CACNA2D1: variants seen among roughly 807,000 people sequenced by gnomAD.
CACNA2D1 encodes the protein calcium voltage-gated channel auxiliary subunit alpha2delta 1.
CACNA2D1 carries 53 observed loss-of-function variants against 171.5 expected under a neutral mutation model. The observed-to-expected ratio is 0.31, with a 90% CI of 0.25 to 0.39. CACNA2D1 has a LOEUF of 0.39. Among genes scored for constraint, CACNA2D1 ranks in the 10% least tolerant of loss-of-function variants. The pLI is 1.00. For synonymous variants in CACNA2D1, 442 were observed against 443.1 expected (o/e 1.00, Z 0.03); for missense variants, 903 against 1,299.8 (o/e 0.69, Z 4.69).
At chr7:82,357,446 T>C (rs1055470163) in intron 1 of CACNA2D1, among the ~76,000 whole-genome samples, 4 of 152,108 alleles carry the variant, frequency 2.6e-5, no homozygotes, top group African/African-American at 9.7e-5. Context: ...ATTTGCCTGG[T>C]TGGAACAATG....
intron 3 of CACNA2D1, among the ~76,000 whole-genome samples, chr7:82,212,418 AGGG>A (rs1288746452): frequency 6.6e-6 from 1 of 152,226 alleles, no homozygotes; most frequent in Non-Finnish European, 1.5e-5. Context: ...CAATCCTACA[AGGG>A]GCAATGTTAA....
chr7:82,076,349 T>G (rs1409257688), intron 7 of CACNA2D1, among the ~76,000 whole-genome samples: 1 of 152,104 alleles, frequency 6.6e-6, no homozygotes, highest in Non-Finnish European at 1.5e-5. Flanking sequence ...CAGAGCTATT[T>G]GTACCCTCTT....
intron 4 of CACNA2D1, among the ~76,000 whole-genome samples, chr7:82,163,644 TA>T (rs1795161857): frequency 6.6e-6 from 1 of 152,054 alleles, no homozygotes; most frequent in Non-Finnish European, 1.5e-5. Flanking sequence ...GGTCTCTTAT[TA>T]AAAACCTTTT....
intron 3 of CACNA2D1, among the ~76,000 whole-genome samples, chr7:82,190,515 T>C (rs1798184889): frequency 6.6e-6 from 1 of 151,742 alleles, no homozygotes; most frequent in Admixed American, 6.6e-5. Flanking sequence ...AACATCACCA[T>C]ATATTCAATT....
At chr7:82,398,145 T>G (rs1825941818) in intron 1 of CACNA2D1, among the ~76,000 whole-genome samples, 1 of 152,070 alleles carries the variant, frequency 6.6e-6, no homozygotes, top group South Asian at 2.1e-4. Flanking sequence ...CTACAACTAT[T>G]AAAGAAGGAA....
chr7:82,328,563 G>T (rs1191847958), intron 3 of CACNA2D1, among the ~76,000 whole-genome samples: 2 of 152,024 alleles, frequency 1.3e-5, no homozygotes, highest in African/African-American at 4.8e-5. Context: ...TCTTTTCAAA[G>T]AAAATTGCAT....
intron 12 of CACNA2D1, among the ~76,000 whole-genome samples, chr7:82,032,327 T>A (rs1802802200): frequency 6.6e-6 from 1 of 151,938 alleles, no homozygotes; most frequent in South Asian, 2.1e-4. Flanking sequence ...CAAATGAGGA[T>A]GTAGTTTTTG....
At position 82,011,547 on chromosome 7, in the gene CACNA2D1, GTGTT is replaced by G. The variant is rs1799776800; in HGVS notation, c.1362+603_1362+606del. The stretch of plus-strand genomic sequence containing the variant: ...AATTGTGCGATGGACAATTTAACAT[GTGTT>G]TGTTATTTCACACCAGATTTGATCG... On this transcript the variant is annotated intron_variant, in intron 15 of 38. Transcript: ENST00000356860. Among the ~76,000 whole-genome samples the G allele has an allele frequency of 2.6e-5, 4 of 152,276 alleles. No homozygotes were observed. The South Asian group carries it at 8.3e-4, about 32-fold the overall frequency.
chr7:82,180,124 C>T (rs1044424957), intron 3 of CACNA2D1, among the ~76,000 whole-genome samples: 2 of 152,100 alleles, frequency 1.3e-5, no homozygotes, highest in African/African-American at 2.4e-5. Flanking sequence ...CAAAGAGAGA[C>T]TAGTTTTTCA....
intron 1 of CACNA2D1, among the ~76,000 whole-genome samples, chr7:82,360,390 A>C (rs1264824901): frequency 1.3e-5 from 2 of 152,194 alleles, no homozygotes; most frequent in African/African-American, 4.8e-5. Flanking sequence ...ATGCATATTA[A>C]TAATTACCTA....
Position 82,300,447 on chromosome 7 carries a change from T to C in CACNA2D1, c.294+34688A>G, listed in dbSNP as rs149624026. 9.8e-3 allele frequency among the ~76,000 whole-genome samples: 1,493 copies of C among 152,288 alleles called. 10 individuals carry two copies. Among genetic ancestry groups the C allele is most frequent in the Non-Finnish European group, 0.016 (1,121 of 68,014 alleles). On this transcript the variant is annotated intron_variant, in intron 3 of 38. Transcript: ENST00000356860. ...TTCATCATGTAATATACAAACCATGTTGTCCACATAAAACAAAAGTAAAAG... is the reference window on the plus strand; with the variant it reads ...TTCATCATGTAATATACAAACCATGCTGTCCACATAAAACAAAAGTAAAAG...
At chr7:82,220,581 T>G (rs985983137) in intron 3 of CACNA2D1, among the ~76,000 whole-genome samples, 2 of 152,114 alleles carry the variant, frequency 1.3e-5, no homozygotes, top group Admixed American at 6.6e-5. Context: ...TATAAATCAT[T>G]TAATAAAAAT....
At position 82,248,977 on chromosome 7, in the gene CACNA2D1, C is replaced by T. The variant is rs535882346; in HGVS notation, c.295-78368G>A. ...CTAAAAATACAAAAAATTAGCTGGG[C>T]GTGGTGGCAGGCATCTGTAGTCCCA... On this transcript the variant is annotated intron_variant, in intron 3 of 38. Coordinates refer to ENST00000356860, the MANE Select transcript of CACNA2D1 (RefSeq NM_000722.4). Among the ~76,000 whole-genome samples the T allele has an allele frequency of 6.8e-4, 103 of 151,954 alleles. 1 individual carries two copies. Among genetic ancestry groups the T allele is most frequent in the African/African-American group, 2.2e-3 (91 of 41,472 alleles).
intron 4 of CACNA2D1, among the ~76,000 whole-genome samples, chr7:82,146,438 A>G (rs886599038): frequency 7.7e-6 from 1 of 129,616 alleles, no homozygotes; most frequent in Admixed American, 7.7e-5. Context: ...ACATATTTAT[A>G]TTTATATATA....
chr7:82,427,338 A>G (rs1356346636), intron 1 of CACNA2D1, among the ~76,000 whole-genome samples: 1 of 152,224 alleles, frequency 6.6e-6, no homozygotes, highest in Non-Finnish European at 1.5e-5. Flanking sequence ...AAGTACCAAG[A>G]AAGATCTAAT....
At chr7:82,232,631 C>T (rs1208144615) in intron 3 of CACNA2D1, among the ~76,000 whole-genome samples, 2 of 151,750 alleles carry the variant, frequency 1.3e-5, no homozygotes, top group East Asian at 3.9e-4. Context: ...TTTGGGAGGC[C>T]GAGGTGGGCA....
intron 1 of CACNA2D1, among the ~76,000 whole-genome samples, chr7:82,363,755 G>T (rs1435250410): frequency 6.6e-6 from 1 of 152,144 alleles, no homozygotes; most frequent in Non-Finnish European, 1.5e-5. Context: ...CTGACCAGGT[G>T]GTGTTCAGGC....
At chr7:82,069,737 G>A (rs1808099188) in intron 7 of CACNA2D1, among the ~76,000 whole-genome samples, 1 of 151,194 alleles carries the variant, frequency 6.6e-6, no homozygotes, top group Non-Finnish European at 1.5e-5. Flanking sequence ...TCAGCTGCTA[G>A]GAAAGAATAA....
intron 4 of CACNA2D1, among the ~76,000 whole-genome samples, chr7:82,165,924 C>G (rs1190465760): frequency 6.6e-6 from 1 of 151,988 alleles, no homozygotes; most frequent in African/African-American, 2.4e-5. Flanking sequence ...TAAGACAATG[C>G]TACGCTCTCA....
Sources: allele counts gnomAD v4.1 joint callset (sites outside exome capture counted in the v4.1 genomes callset), GRCh38; gene constraint gnomAD v4.1.1; transcripts MANE v1.5; gene names NCBI Gene and HGNC (gene_info 2026-07-23, HGNC 2026-07-21).